The following TRAPPC12 variants were observed in gnomAD, a reference collection of about 807,000 sequenced individuals.
TRAPPC12 encodes the protein trafficking protein particle complex subunit 12.
In TRAPPC12, 61 loss-of-function variants were observed where a neutral mutation model predicts 69.2. That is an observed-to-expected ratio of 0.88 (90% CI 0.72 to 1.09). The LOEUF (loss-of-function observed/expected upper bound fraction) is 1.09. TRAPPC12 is among the 50% of genes least tolerant of loss of function. The pLI, the probability that TRAPPC12 is intolerant of heterozygous loss-of-function variation, is 0.00. For synonymous variants in TRAPPC12, 469 were observed against 438.9 expected (o/e 1.07, Z -0.86); for missense variants, 1,101 against 1,016.4 (o/e 1.08, Z -1.13).
chr2:3,478,276 G>T (rs1666385786), intron 10 of TRAPPC12, among the ~76,000 whole-genome samples: 2 of 152,256 alleles, frequency 1.3e-5, no homozygotes, highest in South Asian at 4.1e-4. Flanking sequence ...CGTAAATAAA[G>T]CAGGTGTCCG....
In TRAPPC12 at chr2:3,388,684, T is replaced by A. The variant is rs778024351; in HGVS notation, c.1047+14T>A. 2 of 1,523,988 alleles carry A rather than the reference T, an allele frequency of 1.3e-6. No individual in the cohort carries two copies. The highest frequency in any genetic ancestry group is 4.9e-5 in the East Asian group (2 of 40,954). The allele number at this position is 1,523,988 out of a possible 1,614,324, so 94.4% of individuals were successfully genotyped here. On this transcript the variant is annotated intron_variant, in intron 2 of 11. Transcript: ENST00000324266. ...GACAACATCCAGGTGAGCCCGGGTC[T>A]CCCACCTCCGCAGCCCGTGCCTCCT...
intron 5 of TRAPPC12, among the ~76,000 whole-genome samples, chr2:3,435,122 C>G (rs1459819720): frequency 6.6e-6 from 1 of 152,226 alleles, no homozygotes; most frequent in Non-Finnish European, 1.5e-5. Context: ...AAGCAGTTCT[C>G]CTGCCTCAGC....
At chr2:3,418,418 T>C (rs1662574060) in intron 3 of TRAPPC12, among the ~76,000 whole-genome samples, 1 of 152,202 alleles carries the variant, frequency 6.6e-6, no homozygotes, top group African/African-American at 2.4e-5. Flanking sequence ...ACTCGCGGGC[T>C]GAAGTCAGCC....
intron 7 of TRAPPC12, chr2:3,458,280 C>G: frequency 9.1e-6 from 9 of 987,180 alleles, no homozygotes; most frequent in Non-Finnish European, 1.1e-5. Flanking sequence ...AGCTTCCGAT[C>G]ATGCTTGGAA....
intron 9 of TRAPPC12, among the ~76,000 whole-genome samples, chr2:3,470,066 G>A (rs376678420): frequency 3.3e-5 from 5 of 152,178 alleles, no homozygotes; most frequent in African/African-American, 7.2e-5. Flanking sequence ...TGGGCATCGC[G>A]TCGATGCTGA....
At chr2:3,457,290 G>T in intron 6 of TRAPPC12, 1 of 434,074 alleles carries the variant, frequency 2.3e-6, no homozygotes, top group South Asian at 1.9e-5. Context: ...ACTACCAGTG[G>T]GGGGAGGGTG....
Position 3,443,832 on chromosome 2 carries a change from C to G in TRAPPC12, c.1471C>G (p.Leu491Val). The change falls in exon 6 of 12, where the codon CTG (leucine) becomes GTG (valine). Residue 491 changes from leucine (L) to valine (V), a missense_variant. Transcript: ENST00000324266. The stretch of plus-strand genomic sequence containing the variant: ...CTTGCACGCGGAGCTTCAGCAGTAC[C>G]TGGGGAACCCACAGGAGTCGCTGGA... ...RILHAELQQY[L>V]GNPQESLDRL... 1 of 1,614,148 alleles carries G rather than the reference C, an allele frequency of 6.2e-7. No individual in the cohort carries two copies. The highest frequency in any genetic ancestry group is 1.1e-5 in the South Asian group (1 of 91,078).
chr2:3,447,102 C>G (rs1558389860), intron 6 of TRAPPC12, among the ~76,000 whole-genome samples: 1 of 148,054 alleles, frequency 6.8e-6, no homozygotes, highest in African/African-American at 2.5e-5. Context: ...CCTCAGGAAG[C>G]TTTTTTTTTT....
chr2:3,458,281 A>G (rs981030449), intron 7 of TRAPPC12: 2 of 986,958 alleles, frequency 2.0e-6, no homozygotes, highest in Non-Finnish European at 2.4e-6. Flanking sequence ...GCTTCCGATC[A>G]TGCTTGGAAA....
In TRAPPC12 at chr2:3,383,871, G is replaced by GTTTTTTTTTT. The variant is rs34956958; in HGVS notation, c.-4-3717_-4-3708dup. On this transcript the variant is annotated intron_variant, in intron 1 of 11. Coordinates refer to ENST00000324266, the MANE Select transcript of TRAPPC12 (RefSeq NM_016030.6). ...TATTCCCTTGTGATAGTTCAGTCTT[G>GTTTTTTTTTT]TTTTTTTTTTTTTTTTTTTTTTTTT... 1.0e-3 allele frequency among the ~76,000 whole-genome samples: 87 copies of GTTTTTTTTTT among 85,574 alleles called. 10 individuals carry two copies. Among genetic ancestry groups the GTTTTTTTTTT allele is most frequent in the Non-Finnish European group, 1.9e-3 (80 of 42,896 alleles). The allele number at this position is 85,574 out of a possible 152,430, so 56.1% of individuals were successfully genotyped here.
chr2:3,453,278 G>A (rs1664948460), intron 6 of TRAPPC12, among the ~76,000 whole-genome samples: 3 of 152,154 alleles, frequency 2.0e-5, no homozygotes, highest in Non-Finnish European at 2.9e-5. Context: ...CCACACTGCC[G>A]GCGCCTGACC....
chr2:3,388,050 G>A lies in TRAPPC12; in HGVS notation c.427G>A (p.Glu143Lys), dbSNP rs1217288264. ...QDAAREVPGS[E>K]AARPEQEPPV... is the part of the protein sequence containing the mutation. Reference sequence around the variant, plus strand: ...CGCGGCCCGCGAGGTCCCAGGCAGCGAAGCCGCGCGCCCGGAGCAGGAGCC... The same window carrying A: ...CGCGGCCCGCGAGGTCCCAGGCAGCAAAGCCGCGCGCCCGGAGCAGGAGCC... Residue 143 changes from glutamate (E) to lysine (K), a missense_variant, in exon 2 of 12, where the codon GAA (glutamate) becomes AAA (lysine). Glu to Lys is a moderately conservative substitution (Grantham distance 56). Transcript: ENST00000324266. 8 of 1,501,906 alleles carry A rather than the reference G, an allele frequency of 5.3e-6. No homozygotes were observed. Among genetic ancestry groups the A allele is most frequent in the Admixed American group, 2.1e-5 (1 of 46,764 alleles). 93.0% of individuals were successfully genotyped at this position (1,501,906 alleles called of 1,614,324 possible).
intron 5 of TRAPPC12, among the ~76,000 whole-genome samples, chr2:3,433,901 A>G (rs541028942): frequency 6.6e-6 from 1 of 151,920 alleles, no homozygotes; most frequent in East Asian, 1.9e-4. Flanking sequence ...TTTCCTTTCC[A>G]ATGCTCTTTC....
At chr2:3,448,682 G>C (rs1335405083) in intron 6 of TRAPPC12, among the ~76,000 whole-genome samples, 90 of 118,978 alleles carry the variant, frequency 7.6e-4, no homozygotes, top group Middle Eastern at 4.1e-3. Flanking sequence ...GGTAGGGCGT[G>C]GAGAGCAGCC....
chr2:3,423,512 A>T (rs903422239), intron 4 of TRAPPC12, among the ~76,000 whole-genome samples: 2 of 44,090 alleles, frequency 4.5e-5, no homozygotes, highest in Admixed American at 2.3e-4. Flanking sequence ...CCTCCTCCCC[A>T]CCCCCAGCCC....
At chr2:3,427,081 A>G (rs1311903122) in intron 5 of TRAPPC12, among the ~76,000 whole-genome samples, 1 of 152,212 alleles carries the variant, frequency 6.6e-6, no homozygotes, top group Non-Finnish European at 1.5e-5. Context: ...TAATTGGGGA[A>G]GTTTGAGGGT....
chr2:3,468,935 A>G (rs114436200), intron 9 of TRAPPC12, among the ~76,000 whole-genome samples: 1,882 of 152,212 alleles, frequency 0.012, 41 homozygotes, highest in African/African-American at 0.044. Flanking sequence ...ATGGGGTTGA[A>G]CGGGGACTCG....
At chr2:3,457,158 A>G (rs1430632240) in intron 6 of TRAPPC12, 1 of 461,864 alleles carries the variant, frequency 2.2e-6, no homozygotes, top group South Asian at 1.5e-5. Flanking sequence ...AGCAACATGG[A>G]TACAGCTGGA....
At chr2:3,477,909 T>G (rs1419971930) in intron 10 of TRAPPC12, 114 bp downstream of exon 10, 2 of 596,266 alleles carry the variant, frequency 3.4e-6, no homozygotes, top group African/African-American at 3.8e-5. Flanking sequence ...TATCTCCTCT[T>G]GCCCTGTGTC....
Sources: gnomAD v4.1 joint callset for allele counts (sites outside exome capture counted in the v4.1 genomes callset) on GRCh38, gnomAD v4.1.1 for gene constraint, MANE v1.5 for transcripts, NCBI Gene and HGNC (gene_info 2026-07-23, HGNC 2026-07-21) for gene names.